Variants in RHBDD1 observed in about 807,000 individuals in gnomAD.
RHBDD1 encodes rhomboid-related protein 4.
In RHBDD1, 38 loss-of-function variants were observed where a neutral mutation model predicts 36.3. The observed-to-expected ratio is 1.05, with a 90% confidence interval of 0.81 to 1.37. The LOEUF (loss-of-function observed/expected upper bound fraction) is 1.37, where lower values mean the gene tolerates loss of function less well. RHBDD1 is among the 40% of genes most tolerant of loss of function. The pLI is 0.00. For missense variants in RHBDD1, 393 were observed against 377.6 expected (o/e 1.04, Z -0.34); for synonymous variants, 151 against 136.5 (o/e 1.11, Z -0.74).
the RHBDD1 span, among the ~76,000 whole-genome samples, chr2:226,816,470 TTCTG>T: frequency 2.6e-5 from 4 of 152,210 alleles, no homozygotes; most frequent in Non-Finnish European, 4.4e-5. Context: ...CACAAATTTC[TTCTG>T]TCTAAGGATC....
chr2:226,810,610 C>T, the RHBDD1 span, among the ~76,000 whole-genome samples: 5 of 141,862 alleles, frequency 3.5e-5, no homozygotes, highest in South Asian at 2.3e-4. Context: ...ATATTTACTA[C>T]TCATTAAGTG....
At chr2:226,993,205 C>G (rs1337909279) in intron 8 of RHBDD1, among the ~76,000 whole-genome samples, 1 of 152,214 alleles carries the variant, frequency 6.6e-6, no homozygotes, top group Non-Finnish European at 1.5e-5. Context: ...CGGGCTTTTT[C>G]TTTTGAAGAA....
intron 7 of RHBDD1, among the ~76,000 whole-genome samples, chr2:226,913,906 A>C (rs147773275): frequency 1.3e-5 from 2 of 152,282 alleles, no homozygotes; most frequent in East Asian, 3.9e-4. Context: ...CTAAGCTGAA[A>C]GAATCCACTC....
intron 8 of RHBDD1, among the ~76,000 whole-genome samples, chr2:226,931,555 T>G (rs1380175771): frequency 6.6e-6 from 1 of 152,046 alleles, no homozygotes; most frequent in African/African-American, 2.4e-5. Flanking sequence ...TGTACACTAC[T>G]TGGGTGATGA....
chr2:226,851,193 A>G (rs1165090153), intron 3 of RHBDD1, among the ~76,000 whole-genome samples: 1 of 152,002 alleles, frequency 6.6e-6, no homozygotes, highest in Non-Finnish European at 1.5e-5. Flanking sequence ...TTTTTCCATC[A>G]AGGAGAGTTG....
intron 5 of RHBDD1, among the ~76,000 whole-genome samples, chr2:226,903,789 C>G (rs1308125687): frequency 1.3e-5 from 2 of 152,274 alleles, no homozygotes; most frequent in East Asian, 1.9e-4. Context: ...ACCACACCCC[C>G]CTCTCCTGTA....
intron 8 of RHBDD1, among the ~76,000 whole-genome samples, chr2:226,941,320 G>T (rs1950651436): frequency 6.6e-6 from 1 of 152,176 alleles, no homozygotes; most frequent in Admixed American, 6.6e-5. Flanking sequence ...AACCTCAAGT[G>T]CACTTCTCCA....
chr2:226,820,442 T>A, the RHBDD1 span, among the ~76,000 whole-genome samples: 1 of 152,116 alleles, frequency 6.6e-6, no homozygotes, highest in African/African-American at 2.4e-5. Context: ...TAAGACTCCA[T>A]CTTGCTCAGT....
At chr2:226,976,421 A>G (rs986816611) in intron 8 of RHBDD1, among the ~76,000 whole-genome samples, 7 of 151,750 alleles carry the variant, frequency 4.6e-5, no homozygotes, top group Admixed American at 2.6e-4. Flanking sequence ...ACCCCAATAT[A>G]GTAACAATTT....
chr2:226,979,859 T>G (rs1390868721), intron 8 of RHBDD1, among the ~76,000 whole-genome samples: 1 of 152,122 alleles, frequency 6.6e-6, no homozygotes, highest in Non-Finnish European at 1.5e-5. Context: ...TAGGCACTGG[T>G]CTAGGCCCAT....
At chr2:226,913,675 G>A (rs532838402) in intron 7 of RHBDD1, among the ~76,000 whole-genome samples, 6 of 151,728 alleles carry the variant, frequency 4.0e-5, no homozygotes, top group Non-Finnish European at 7.4e-5. Flanking sequence ...CTTTTTTTGG[G>A]GGGGAGCTAT....
chr2:226,844,043 A>G (rs1173283547), intron 3 of RHBDD1, among the ~76,000 whole-genome samples: 2 of 151,936 alleles, frequency 1.3e-5, no homozygotes, highest in East Asian at 3.9e-4. Context: ...TTTCTTCTAG[A>G]TTTTCTGGTT....
At chr2:226,830,413 A>T in the RHBDD1 span, among the ~76,000 whole-genome samples, 1 of 152,224 alleles carries the variant, frequency 6.6e-6, no homozygotes, top group Non-Finnish European at 1.5e-5. Context: ...CACTCGATTT[A>T]TGGAACTTTT....
At chr2:226,963,636 G>A (rs1413347934) in intron 8 of RHBDD1, among the ~76,000 whole-genome samples, 2 of 152,004 alleles carry the variant, frequency 1.3e-5, no homozygotes, top group African/African-American at 2.4e-5. Context: ...TACCTTCCAT[G>A]CCCTTGCTTC....
At chr2:226,907,107 A>G (rs1309297874) in intron 6 of RHBDD1, 2 of 599,818 alleles carry the variant, frequency 3.3e-6, no homozygotes, top group Non-Finnish European at 5.9e-6. Context: ...CTTAGGGGAC[A>G]AATATCAGTA....
chr2:226,902,827 G>A (rs1947706683), intron 5 of RHBDD1, among the ~76,000 whole-genome samples: 1 of 152,008 alleles, frequency 6.6e-6, no homozygotes, highest in Non-Finnish European at 1.5e-5. Flanking sequence ...ATTATATTAG[G>A]GCAATTAGAT....
chr2:226,973,728 A>C (rs1226863608), intron 8 of RHBDD1, among the ~76,000 whole-genome samples: 1 of 152,184 alleles, frequency 6.6e-6, no homozygotes, highest in Non-Finnish European at 1.5e-5. Flanking sequence ...TTATTGTCTG[A>C]GCAAGTGAAA....
intron 3 of RHBDD1, among the ~76,000 whole-genome samples, chr2:226,855,056 A>G (rs1306346117): frequency 6.6e-6 from 1 of 152,252 alleles, no homozygotes; most frequent in Middle Eastern, 3.2e-3. Flanking sequence ...TTGCCTATAC[A>G]TGCCTTCCAC....
intron 5 of RHBDD1, among the ~76,000 whole-genome samples, chr2:226,883,437 A>G (rs1310041852): frequency 2.0e-5 from 3 of 152,266 alleles, no homozygotes; most frequent in Non-Finnish European, 4.4e-5. Flanking sequence ...TACATTAGTC[A>G]GACCTTGTTT....
Sources: allele counts gnomAD v4.1 joint callset (sites outside exome capture counted in the v4.1 genomes callset), GRCh38; gene constraint gnomAD v4.1.1; transcripts MANE v1.5; gene names NCBI Gene and HGNC (gene_info 2026-07-23, HGNC 2026-07-21).